The following NECAB2 variants were observed in gnomAD, a reference collection of about 807,000 sequenced individuals.
The protein encoded by NECAB2 is N-terminal EF-hand calcium binding protein 2.
Under a neutral mutation model 51.9 loss-of-function variants are expected in NECAB2, and 68 were observed. The observed-to-expected ratio is 1.31, with a 90% CI of 1.08 to 1.60. The LOEUF (loss-of-function observed/expected upper bound fraction) is 1.60. NECAB2 is among the 40% of genes most tolerant of loss of function. NECAB2 has a pLI of 0.00. For missense variants in NECAB2, 854 were observed against 490.3 expected (o/e 1.74, Z -7.00); for synonymous variants, 329 against 203.5 (o/e 1.62, Z -5.25).
At chr16:83,977,749 G>A (rs765480814) in intron 2 of NECAB2, among the ~76,000 whole-genome samples, 9 of 152,306 alleles carry the variant, frequency 5.9e-5, no homozygotes, top group East Asian at 1.9e-4. Context: ...ACCTCATGCC[G>A]GCCATTGGCA....
At chr16:84,002,169 G>A (rs866932796) in intron 12 of NECAB2, 149 bp from the exon 13 acceptor site, 42 of 1,088,660 alleles carry the variant, frequency 3.9e-5, no homozygotes, top group Non-Finnish European at 5.2e-5. Context: ...TCCCAGGTGT[G>A]TGGTTTGCAC....
chr16:83,999,523 C>G (rs1021272104), intron 10 of NECAB2, among the ~76,000 whole-genome samples: 2 of 152,098 alleles, frequency 1.3e-5, no homozygotes, highest in East Asian at 1.9e-4. Context: ...TGTGTCCACC[C>G]CAAGATGGAA....
At chr16:83,971,780 C>A in intron 1 of NECAB2, 1 of 377,596 alleles carries the variant, frequency 2.6e-6, no homozygotes, top group Admixed American at 4.3e-5. Flanking sequence ...CTCCCTGGGA[C>A]ACTGATTCGG....
chr16:83,997,325 G>A (rs888704166), intron 9 of NECAB2, 56 bp downstream of exon 9: 1 of 1,608,654 alleles, frequency 6.2e-7, no homozygotes, highest in East Asian at 2.2e-5. Context: ...TGCCAGGACT[G>A]CCAAGATCCA....
chr16:83,979,687 G>A (rs375977885), intron 3 of NECAB2, among the ~76,000 whole-genome samples: 1 of 151,988 alleles, frequency 6.6e-6, no homozygotes, highest in African/African-American at 2.4e-5. Flanking sequence ...GGTAGAGGAG[G>A]GGGTGGAGGC....
chr16:83,996,105 G>A (rs369038763), intron 8 of NECAB2, among the ~76,000 whole-genome samples: 2 of 152,216 alleles, frequency 1.3e-5, no homozygotes, highest in Admixed American at 6.5e-5. Flanking sequence ...CCGGCCAACC[G>A]GAGCTGCCTC....
chr16:83,979,094 C>T (rs2151088253), intron 3 of NECAB2, among the ~76,000 whole-genome samples: 1 of 152,346 alleles, frequency 6.6e-6, no homozygotes, highest in East Asian at 1.9e-4. Flanking sequence ...CTCCACCCAT[C>T]TCTAAATCAA....
chr16:83,973,893 T>A (rs927857112), intron 2 of NECAB2, among the ~76,000 whole-genome samples: 3 of 152,002 alleles, frequency 2.0e-5, no homozygotes, highest in African/African-American at 7.2e-5. Flanking sequence ...TGTGTGCAGT[T>A]AGTGTGCGTG....
intron 8 of NECAB2, among the ~76,000 whole-genome samples, chr16:83,995,817 C>T (rs1027045973): frequency 1.3e-5 from 2 of 152,196 alleles, no homozygotes; most frequent in African/African-American, 4.8e-5. Context: ...AGGGATGAGG[C>T]TGAGGTGGAG....
intron 2 of NECAB2, among the ~76,000 whole-genome samples, chr16:83,972,613 C>G (rs1232388211): frequency 2.0e-5 from 3 of 152,230 alleles, no homozygotes; most frequent in African/African-American, 7.2e-5. Flanking sequence ...AGTCAGTGCT[C>G]TTGCCTCTGT....
chr16:84,000,785 G>C lies in NECAB2; in HGVS notation c.1024G>C (p.Glu342Gln), dbSNP rs200448915. ...TFVIYEFWET[E>Q]EAWKRHLQSP... ...TGTCATCTATGAGTTCTGGGAGACA[G>C]AGGAGGCGTGGAAGAGGTGAGATGC... The change falls in exon 11 of 13, where the codon GAG becomes CAG. Residue 342 changes from glutamate to glutamine, a missense_variant. Glu to Gln is a conservative substitution (Grantham distance 29, BLOSUM62 2). Transcript: ENST00000305202. 5.7e-4 allele frequency: 913 copies of C among 1,613,742 alleles called. 16 individuals carry two copies. In the South Asian group the frequency reaches 8.7e-3, roughly 15 times the overall value.
chr16:84,000,598 G>C, intron 10 of NECAB2, 126 bp from the exon 11 acceptor site: 3 of 702,274 alleles, frequency 4.3e-6, no homozygotes, highest in Non-Finnish European at 7.3e-6. Context: ...TGGAGGTCAA[G>C]ACAGGAAGAA....
chr16:83,978,295 T>G, intron 2 of NECAB2, 149 bp from the exon 3 acceptor site: 1 of 616,234 alleles, frequency 1.6e-6, no homozygotes, highest in Non-Finnish European at 2.8e-6. Context: ...TCTTTTAGTT[T>G]GGGGATTAGC....
At chr16:83,996,020 C>T (rs373447032) in intron 8 of NECAB2, among the ~76,000 whole-genome samples, 3 of 152,344 alleles carry the variant, frequency 2.0e-5, no homozygotes, top group African/African-American at 7.2e-5. Flanking sequence ...GGACCAGGTC[C>T]TCCTCCCCAG....
At chr16:83,999,423 G>T (rs1056686837) in intron 10 of NECAB2, among the ~76,000 whole-genome samples, 1 of 152,154 alleles carries the variant, frequency 6.6e-6, no homozygotes, top group Non-Finnish European at 1.5e-5. Flanking sequence ...GGACGTAGAG[G>T]CTCTGGTTTG....
intron 8 of NECAB2, among the ~76,000 whole-genome samples, chr16:83,996,283 T>A (rs2084697435): frequency 6.6e-6 from 1 of 152,182 alleles, no homozygotes; most frequent in South Asian, 2.1e-4. Context: ...AGGCACACCT[T>A]CACCACTTAC....
Position 83,992,123 on chromosome 16 carries a change from G to A in NECAB2, c.596+1493G>A, listed in dbSNP as rs949644576. ...CCTCTCTGTTAAAAAGAGAGACTGG[G>A]GGGAAATCAGAGAGGTGTTGAAGAC... On this transcript the variant is annotated intron_variant, in intron 6 of 12. Transcript: ENST00000305202. Among the ~76,000 whole-genome samples the A allele has an allele frequency of 2.7e-5, 3 of 111,430 alleles. No individual in the cohort carries two copies. The South Asian group carries it at 8.0e-4, about 30-fold the overall frequency. The allele number at this position is 111,430 out of a possible 152,430, so 73.1% of individuals were successfully genotyped here.
chr16:83,987,675 A>C (rs1597212077), intron 5 of NECAB2, among the ~76,000 whole-genome samples: 1 of 152,002 alleles, frequency 6.6e-6, no homozygotes, highest in East Asian at 1.9e-4. Context: ...TAGTGTACTT[A>C]TTTTTCCTCT....
intron 2 of NECAB2, among the ~76,000 whole-genome samples, chr16:83,975,351 C>T (rs2084397209): frequency 3.3e-5 from 5 of 151,758 alleles, no homozygotes; most frequent in Admixed American, 3.3e-4. Context: ...AACAGGTGTG[C>T]AGGGATGAGA....
Sources: allele counts gnomAD v4.1 joint callset (sites outside exome capture counted in the v4.1 genomes callset), GRCh38; gene constraint gnomAD v4.1.1; transcripts MANE v1.5; gene names NCBI Gene and HGNC (gene_info 2026-07-23, HGNC 2026-07-21).